The following EXTL3 variants were observed in gnomAD, a reference collection of about 807,000 sequenced individuals.
The protein encoded by EXTL3 is exostosin-like 3.
In EXTL3, 27 loss-of-function variants were observed where a neutral mutation model predicts 69.3. That is an observed-to-expected ratio of 0.39 (90% CI 0.29 to 0.54). EXTL3 has a LOEUF of 0.54. Among genes scored for constraint, EXTL3 ranks in the 20% least tolerant of loss-of-function variants. The pLI, the probability that EXTL3 is intolerant of heterozygous loss-of-function variation, is 0.69. For missense variants in EXTL3, 1,003 were observed against 1,231.8 expected, an observed-to-expected ratio of 0.81 and a Z score of 2.78; for synonymous variants, 511 against 499.4, an observed-to-expected ratio of 1.02 and a Z score of -0.31.
Position 28,743,441 on chromosome 8 carries a change from G to A in EXTL3, c.2550+227G>A, listed in dbSNP as rs187144703. On this transcript the variant is annotated intron_variant, in intron 6 of 6. Coordinates refer to ENST00000220562, the MANE Select transcript of EXTL3 (RefSeq NM_001440.4). ...AGAAATCAGAAGGTTTGGAACTTGGGTGGGAAAGATGTTGCATCATTATTT... is the reference window on the plus strand; with the variant it reads ...AGAAATCAGAAGGTTTGGAACTTGGATGGGAAAGATGTTGCATCATTATTT... Among the ~76,000 whole-genome samples, 24 of 152,300 alleles carry A rather than the reference G, an allele frequency of 1.6e-4. No homozygotes were observed. The East Asian group carries it at 3.9e-3, about 24-fold the overall frequency.
intron 3 of EXTL3, among the ~76,000 whole-genome samples, chr8:28,722,605 A>G (rs1008260276): frequency 9.9e-5 from 15 of 151,860 alleles, no homozygotes; most frequent in Non-Finnish European, 1.6e-4. Flanking sequence ...GGGAGACCCC[A>G]TCTCTACAAA....
intron 1 of EXTL3, chr8:28,631,525 C>T (rs528110177): frequency 2.0e-5 from 3 of 152,252 alleles, no homozygotes; most frequent in East Asian, 1.9e-4. Context: ...GTCCAACAGG[C>T]GTTGAAGTGT....
intron 6 of EXTL3, 85 bp downstream of exon 6, chr8:28,743,299 T>C: frequency 7.1e-7 from 1 of 1,416,302 alleles, no homozygotes; most frequent in Non-Finnish European, 1.0e-6. Flanking sequence ...AACTGCACTG[T>C]ACCTCAGAGT....
At chr8:28,613,830 A>G (rs974823796) in intron 2 of EXTL3, among the ~76,000 whole-genome samples, 1 of 149,960 alleles carries the variant, frequency 6.7e-6, no homozygotes, top group Non-Finnish European at 1.5e-5. Context: ...TTAGCCTATT[A>G]GCCTAGTCAC....
chr8:28,636,255 C>T (rs1432435669), intron 1 of EXTL3, among the ~76,000 whole-genome samples: 5 of 151,236 alleles, frequency 3.3e-5, no homozygotes, highest in Admixed American at 6.6e-5. Context: ...TTGCCTGAAC[C>T]CAGGAGGCGG....
At chr8:28,718,589 C>T (rs547378900) in intron 3 of EXTL3, among the ~76,000 whole-genome samples, 3 of 152,174 alleles carry the variant, frequency 2.0e-5, no homozygotes, top group Non-Finnish European at 4.4e-5. Flanking sequence ...GACATATTAT[C>T]GCTGTTTCTT....
intron 1 of EXTL3, among the ~76,000 whole-genome samples, chr8:28,635,873 A>G (rs555497858): frequency 6.6e-6 from 1 of 152,294 alleles, no homozygotes; most frequent in Non-Finnish European, 1.5e-5. Flanking sequence ...ATGATAAAAT[A>G]TAAGGATAGA....
intron 1 of EXTL3, among the ~76,000 whole-genome samples, chr8:28,667,302 A>C (rs1807212166): frequency 1.3e-5 from 2 of 152,148 alleles, no homozygotes; most frequent in African/African-American, 4.8e-5. Context: ...TAAAGTAACA[A>C]GGGTGGGGGA....
At chr8:28,619,311 A>AAAAAAAAAAC (rs1478312916), upstream of EXTL3, among the ~76,000 whole-genome samples, 13 of 121,472 alleles carry the variant, frequency 1.1e-4, 1 homozygote, top group South Asian at 5.1e-4. Flanking sequence ...AAAAAAAAAA[A>AAAAAAAAAAC]AAAACCCTGT....
chr8:28,688,814 T>G (rs1800567204), intron 1 of EXTL3, among the ~76,000 whole-genome samples: 3 of 152,168 alleles, frequency 2.0e-5, no homozygotes, highest in Admixed American at 1.3e-4. Context: ...GGAAGGATAT[T>G]AGATCACATT....
chr8:28,681,066 C>T (rs369913143), intron 1 of EXTL3, among the ~76,000 whole-genome samples: 4 of 151,666 alleles, frequency 2.6e-5, no homozygotes, highest in South Asian at 2.1e-4. Context: ...TTAGTAGAGA[C>T]GGTTTCACCA....
At chr8:28,668,259 CAAA>C (rs71549685) in intron 1 of EXTL3, among the ~76,000 whole-genome samples, 9 of 64,272 alleles carry the variant, frequency 1.4e-4, no homozygotes, top group Non-Finnish European at 1.7e-4. Context: ...GGTCCTGTCT[CAAA>C]AAAAAAAAAA....
intron 2 of EXTL3, among the ~76,000 whole-genome samples, 156 bp downstream of exon 2, chr8:28,713,706 A>G (rs772433682): frequency 3.3e-5 from 5 of 152,182 alleles, no homozygotes; most frequent in Non-Finnish European, 5.9e-5. Flanking sequence ...GATAATGTAA[A>G]TTTGAGTATT....
chr8:28,745,305 C>T (rs190787029), intron 6 of EXTL3, among the ~76,000 whole-genome samples: 120 of 152,332 alleles, frequency 7.9e-4, no homozygotes, highest in Non-Finnish European at 1.4e-3. Flanking sequence ...GTGGCCCCTG[C>T]GTAGGATGTC....
chr8:28,711,876 G>T (rs2299561), intron 1 of EXTL3, among the ~76,000 whole-genome samples: 52,239 of 151,882 alleles, frequency 0.34, 9,366 homozygotes, highest in Admixed American at 0.41. Flanking sequence ...TTGAGAGTTT[G>T]TAGGATGAGG....
chr8:28,746,744 C>G (rs144060871), intron 6 of EXTL3, among the ~76,000 whole-genome samples: 1 of 152,100 alleles, frequency 6.6e-6, no homozygotes, highest in African/African-American at 2.4e-5. Context: ...GGTGCAATCT[C>G]GGCTCACTGC....
chr8:28,619,505 C>T (rs1022751866), upstream of EXTL3, among the ~76,000 whole-genome samples: 2 of 152,026 alleles, frequency 1.3e-5, no homozygotes, highest in Admixed American at 1.3e-4. Flanking sequence ...TGCTGCTCCT[C>T]CCTGGACTGA....
At chr8:28,644,357 A>T (rs879757005) in intron 1 of EXTL3, among the ~76,000 whole-genome samples, 1 of 152,034 alleles carries the variant, frequency 6.6e-6, no homozygotes, top group Non-Finnish European at 1.5e-5. Context: ...CTCTGGGTGT[A>T]TGCTTGGACA....
rs1189981226 is a variant in EXTL3 at position 28,750,642 on chromosome 8, C to T, written c.2551-15C>T. 6.2e-7 allele frequency: 1 copy of T among 1,609,668 alleles called. No homozygotes were observed. The highest frequency in any genetic ancestry group is 8.5e-7 in the Non-Finnish European group (1 of 1,175,986). Reference sequence around the variant, plus strand: ...TAGCTGGGATTCCCACTCTGTCTCTCTCTCCCGTTTCCAGGTGACCTCACG... The same window carrying T: ...TAGCTGGGATTCCCACTCTGTCTCTTTCTCCCGTTTCCAGGTGACCTCACG... On this transcript the variant is annotated splice_polypyrimidine_tract_variant and intron_variant, in intron 6 of 6. Coordinates refer to ENST00000220562, the MANE Select transcript of EXTL3 (RefSeq NM_001440.4). This position sits in a 1 kb window ranked among gnomAD's most constrained non-coding sequence, Gnocchi z 5.2.
Sources: gnomAD v4.1 joint callset for allele counts (sites outside exome capture counted in the v4.1 genomes callset) on GRCh38, gnomAD v4.1.1 for gene constraint, Gnocchi (gnomAD v3.1) non-coding constraint, MANE v1.5 for transcripts, NCBI Gene and HGNC (gene_info 2026-07-23, HGNC 2026-07-21) for gene names.